Variants in KCNQ1OT1 observed in about 807,000 individuals in gnomAD.
KCNQ1OT1 encodes KCNQ1 opposite strand/antisense transcript 1, also known as KCNQ1 antisense RNA 2 (non-protein coding).
At chr11:2,641,751 A>T (rs1221212429) in exon 1 of KCNQ1OT1, 3 of 398,326 alleles carry the variant, frequency 7.5e-6, no homozygotes, top group Non-Finnish European at 1.3e-5. Flanking sequence ...TCCTTCATTA[A>T]TAGTGATGTT....
chr11:2,616,370 GTTTA>G, exon 1 of KCNQ1OT1: 1 of 397,568 alleles, frequency 2.5e-6, no homozygotes, highest in East Asian at 3.6e-5. Context: ...TATCTCTGTT[GTTTA>G]TTTAAGCTCG....
chr11:2,654,021 T>C lies in KCNQ1OT1; in HGVS notation n.45974A>G, dbSNP rs1849798086. 1 of 398,580 alleles carries C rather than the reference T, an allele frequency of 2.5e-6. No homozygotes were observed. The highest frequency in any genetic ancestry group is 1.3e-4 in the South Asian group (1 of 7,866). 24.7% of individuals were successfully genotyped at this position (398,580 alleles called of 1,614,324 possible). ...GCCAGCTGTGAATATACATTTTCACTCCATTCCTCGCCTTGTTCCTGGCAG... is the reference window on the plus strand; with the variant it reads ...GCCAGCTGTGAATATACATTTTCACCCCATTCCTCGCCTTGTTCCTGGCAG... On this transcript the variant is annotated non_coding_transcript_exon_variant, in exon 1 of 1. Transcript: ENST00000597346. This position sits in a 1 kb window ranked among gnomAD's most constrained non-coding sequence, Gnocchi z 6.4.
chr11:2,692,626 C>A, exon 1 of KCNQ1OT1: 2 of 398,716 alleles, frequency 5.0e-6, no homozygotes, highest in Non-Finnish European at 8.8e-6. Flanking sequence ...ACCTGCTGTG[C>A]TCCCAGGCCT....
At position 2,682,019 on chromosome 11, in the gene KCNQ1OT1, A is replaced by C. The variant is rs1197939773; in HGVS notation, n.17976T>G. 5 of 398,522 alleles carry C rather than the reference A, an allele frequency of 1.3e-5. No individual in the cohort carries two copies. Among genetic ancestry groups the C allele is most frequent in the Non-Finnish European group, 2.2e-5 (5 of 226,074 alleles). The allele number at this position is 398,522 out of a possible 1,614,324, so 24.7% of individuals were successfully genotyped here. On this transcript the variant is annotated non_coding_transcript_exon_variant, in exon 1 of 1. Coordinates refer to ENST00000597346, the Ensembl canonical transcript of KCNQ1OT1. This position sits in a 1 kb window ranked among gnomAD's most constrained non-coding sequence, Gnocchi z 5.8. Reference sequence around the variant, plus strand: ...ACTAATCCTCACAGCAGCTTTTAACACAAGAATATTATCACTCCTGTTTTA... The same window carrying C: ...ACTAATCCTCACAGCAGCTTTTAACCCAAGAATATTATCACTCCTGTTTTA...
At position 2,626,062 on chromosome 11, in the gene KCNQ1OT1, T is replaced by G. The variant is rs1849257234; in HGVS notation, n.73933A>C. ...TTTTAAAATTTATCTAGTTTTACTT[T>G]TATTGCCTGTGCAAGTACAATTTAT... On this transcript the variant is annotated non_coding_transcript_exon_variant, in exon 1 of 1. Coordinates refer to ENST00000597346, the Ensembl canonical transcript of KCNQ1OT1. This position sits in a 1 kb window ranked among gnomAD's most constrained non-coding sequence, Gnocchi z 4.0. 4 of 398,670 alleles carry G rather than the reference T, an allele frequency of 1.0e-5. No individual in the cohort carries two copies. In the East Asian group the frequency reaches 1.4e-4, roughly 14 times the overall value. The allele number at this position is 398,670 out of a possible 1,614,324, so 24.7% of individuals were successfully genotyped here.
chr11:2,620,051 C>T lies in KCNQ1OT1; in HGVS notation n.79944G>A, dbSNP rs546484400. The T allele has an allele frequency of 2.5e-6, 1 of 398,044 alleles. No homozygotes were observed. Among genetic ancestry groups the T allele is most frequent in the African/African-American group, 2.1e-5 (1 of 48,466 alleles). 24.7% of individuals were successfully genotyped at this position (398,044 alleles called of 1,614,324 possible). On this transcript the variant is annotated non_coding_transcript_exon_variant, in exon 1 of 1. Transcript: ENST00000597346. This position sits in a 1 kb window ranked among gnomAD's most constrained non-coding sequence, Gnocchi z 4.5. ...CAAGTAGTCCCCAGTGTCTACTGATCATCTTTATGTCCATGTTTACTCAGT... is the reference window on the plus strand; with the variant it reads ...CAAGTAGTCCCCAGTGTCTACTGATTATCTTTATGTCCATGTTTACTCAGT...
At chr11:2,639,004 A>G (rs1286001494) in exon 1 of KCNQ1OT1, 1 of 152,182 alleles carries the variant, frequency 6.6e-6, no homozygotes, top group Non-Finnish European at 1.5e-5. Context: ...AGTTGATCAA[A>G]TCGGCTACTG....
chr11:2,699,167 G>A (rs563294057), exon 1 of KCNQ1OT1: 1 of 398,672 alleles, frequency 2.5e-6, no homozygotes, highest in African/African-American at 2.1e-5. Context: ...GAACCACCAT[G>A]AGAACTATAG....
chr11:2,686,128 T>C, exon 1 of KCNQ1OT1: 2 of 398,768 alleles, frequency 5.0e-6, no homozygotes, highest in Non-Finnish European at 8.8e-6. Flanking sequence ...TTGCCCTGTC[T>C]CGCCCCCTTG....
chr11:2,650,230 T>A, exon 1 of KCNQ1OT1: 1 of 398,628 alleles, frequency 2.5e-6, no homozygotes. Context: ...TGTTCTCTTG[T>A]ATCTCATTGG....
chr11:2,645,510 A>C lies in KCNQ1OT1; in HGVS notation n.54485T>G, dbSNP rs970403135. 15 of 398,550 alleles carry C rather than the reference A, an allele frequency of 3.8e-5. No individual in the cohort carries two copies. The highest frequency in any genetic ancestry group is 6.2e-5 in the Non-Finnish European group (14 of 226,170). The allele number at this position is 398,550 out of a possible 1,614,324, so 24.7% of individuals were successfully genotyped here. A position where few individuals can be genotyped will look rare whatever the true frequency, so the allele number is the denominator to read the frequency against. On this transcript the variant is annotated non_coding_transcript_exon_variant, in exon 1 of 1. Coordinates refer to ENST00000597346, the Ensembl canonical transcript of KCNQ1OT1. This position sits in a 1 kb window ranked among gnomAD's most constrained non-coding sequence, Gnocchi z 5.8. ...CTCATGTTGGGGCAGCAGCAACTCTATTGCAGCCCTACTCCTGGGGAAGTT... is the reference window on the plus strand; with the variant it reads ...CTCATGTTGGGGCAGCAGCAACTCTCTTGCAGCCCTACTCCTGGGGAAGTT...
At chr11:2,629,068 T>G (rs1849309329) in exon 1 of KCNQ1OT1, 1 of 398,222 alleles carries the variant, frequency 2.5e-6, no homozygotes, top group African/African-American at 2.1e-5. Flanking sequence ...GCTTTAGATC[T>G]TTAAGGTCTT....
chr11:2,669,609 C>T lies in KCNQ1OT1; in HGVS notation n.30386G>A, dbSNP rs1564852379. The T allele has an allele frequency of 5.0e-6, 2 of 398,618 alleles. No individual in the cohort carries two copies. The highest frequency in any genetic ancestry group is 7.1e-5 in the East Asian group (2 of 28,066). The allele number at this position is 398,618 out of a possible 1,614,324, so 24.7% of individuals were successfully genotyped here. On this transcript the variant is annotated non_coding_transcript_exon_variant, in exon 1 of 1. Coordinates refer to ENST00000597346, the Ensembl canonical transcript of KCNQ1OT1. The surrounding 1 kb of genome is among the most constrained non-coding windows in gnomAD (Gnocchi z 5.6). The stretch of plus-strand genomic sequence containing the variant: ...TGCCCACAGGACACTGGGGCAGTCA[C>T]CTAATCTCTATCAGCCTCAGTTTCC...
chr11:2,650,473 G>T (rs1048144081), exon 1 of KCNQ1OT1: 3 of 398,518 alleles, frequency 7.5e-6, no homozygotes, highest in Non-Finnish European at 1.3e-5. Context: ...TTTGGTTCTG[G>T]TTCAGTGCAG....
Position 2,654,998 on chromosome 11 carries a change from C to T in KCNQ1OT1, n.44997G>A, listed in dbSNP as rs1283759190. On this transcript the variant is annotated non_coding_transcript_exon_variant, in exon 1 of 1. Transcript: ENST00000597346. The surrounding 1 kb of genome is among the most constrained non-coding windows in gnomAD (Gnocchi z 6.4). ...TATCATGCAAAATAGAAAACACAGA[C>T]ACAATAAGGAAGGAAATGAAAATCA... The T allele has an allele frequency of 1.0e-5, 4 of 398,418 alleles. No homozygotes were observed. The highest frequency in any genetic ancestry group is 6.2e-5 in the African/African-American group (3 of 48,588). 24.7% of individuals were successfully genotyped at this position (398,418 alleles called of 1,614,324 possible).
chr11:2,699,954 C>T, exon 1 of KCNQ1OT1: 1 of 398,394 alleles, frequency 2.5e-6, no homozygotes, highest in Non-Finnish European at 4.4e-6. Flanking sequence ...TGCTGAGGAG[C>T]TCCCTGGAGG....
At chr11:2,640,814 C>A in exon 1 of KCNQ1OT1, 1 of 398,798 alleles carries the variant, frequency 2.5e-6, no homozygotes, top group Non-Finnish European at 4.4e-6. Context: ...CACTAACCAA[C>A]CTCTCTTCAC....
chr11:2,665,362 C>A, exon 1 of KCNQ1OT1: 1 of 398,114 alleles, frequency 2.5e-6, no homozygotes, highest in South Asian at 1.3e-4. Context: ...GGGGAGCACC[C>A]CCATGACAAG....
chr11:2,626,122 C>T lies in KCNQ1OT1; in HGVS notation n.73873G>A, dbSNP rs1198203519. ...CTTTTATTGCCTGTGCCTTTGGTGTCGCATACAAGAAGCACTGCCAATGAT... is the reference window on the plus strand; with the variant it reads ...CTTTTATTGCCTGTGCCTTTGGTGTTGCATACAAGAAGCACTGCCAATGAT... On this transcript the variant is annotated non_coding_transcript_exon_variant, in exon 1 of 1. Transcript: ENST00000597346. This position sits in a 1 kb window ranked among gnomAD's most constrained non-coding sequence, Gnocchi z 4.0. 2.5e-5 allele frequency: 10 copies of T among 398,402 alleles called. No individual in the cohort carries two copies. Among genetic ancestry groups the T allele is most frequent in the African/African-American group, 4.1e-5 (2 of 48,586 alleles). 24.7% of individuals were successfully genotyped at this position (398,402 alleles called of 1,614,324 possible).
Sources: gnomAD v4.1 joint callset for allele counts on GRCh38, gnomAD v4.1.1 for gene constraint, Gnocchi (gnomAD v3.1) non-coding constraint, MANE v1.5 for transcripts, NCBI Gene and HGNC (gene_info 2026-07-23, HGNC 2026-07-21) for gene names.